The following PCDHA13 variants were observed in gnomAD, a reference collection of about 807,000 sequenced individuals.
PCDHA13 encodes protocadherin alpha 13.
Under a neutral mutation model 64.8 loss-of-function variants are expected in PCDHA13, and 54 were observed. The observed-to-expected ratio is 0.83, with a 90% CI of 0.67 to 1.04. The LOEUF (loss-of-function observed/expected upper bound fraction) is 1.04, where lower values mean the gene tolerates loss of function less well. Ranked by LOEUF, PCDHA13 falls within the 50% of genes least tolerant of loss-of-function variation. The pLI is 0.00. For missense variants in PCDHA13, 1,248 were observed against 1,254.3 expected (o/e 0.99, Z 0.08); for synonymous variants, 587 against 564.4 (o/e 1.04, Z -0.57).
intron 2 of PCDHA13, 148 bp from the exon 3 acceptor site, chr5:140,982,327 C>T: frequency 7.0e-7 from 1 of 1,419,146 alleles, no homozygotes; most frequent in Non-Finnish European, 9.4e-7. Context: ...AGGGTGACTG[C>T]TCAGCAGTAA....
chr5:140,971,500 TAGG>T (rs2096483491), intron 1 of PCDHA13, among the ~76,000 whole-genome samples: 2 of 152,136 alleles, frequency 1.3e-5, no homozygotes, highest in Admixed American at 1.3e-4. Flanking sequence ...TGTGGCAAGA[TAGG>T]AGCAAAAGCC....
intron 1 of PCDHA13, among the ~76,000 whole-genome samples, chr5:140,941,241 TTCTTTCTTTCTTTC>T (rs1247398838): frequency 5.8e-4 from 81 of 140,456 alleles, no homozygotes; most frequent in African/African-American, 2.0e-3. Flanking sequence ...CTTTCTTTCT[TTCTTTCTTTCTTTC>T]TCTTTCTTTC....
intron 1 of PCDHA13, among the ~76,000 whole-genome samples, chr5:140,942,409 TAAA>T (rs78736997): frequency 7.0e-6 from 1 of 143,620 alleles, no homozygotes; most frequent in Non-Finnish European, 1.5e-5. Context: ...AGACTCTGTT[TAAA>T]AAAAAAAAAG....
chr5:140,944,744 A>G (rs1408016136), intron 1 of PCDHA13, among the ~76,000 whole-genome samples: 2 of 152,204 alleles, frequency 1.3e-5, no homozygotes, highest in East Asian at 3.8e-4. Context: ...CTGAGCATTT[A>G]CATGGAAAAA....
At chr5:140,921,616 A>C (rs1369093554) in intron 1 of PCDHA13, among the ~76,000 whole-genome samples, 1 of 152,222 alleles carries the variant, frequency 6.6e-6, no homozygotes, top group African/African-American at 2.4e-5. Flanking sequence ...GAAAAATATC[A>C]TCAGATCATC....
At chr5:140,982,592 C>G (rs376230429) in intron 3 of PCDHA13, 29 bp downstream of exon 3, 3 of 1,610,372 alleles carry the variant, frequency 1.9e-6, no homozygotes, top group Non-Finnish European at 2.5e-6. Flanking sequence ...TCCATTCTTT[C>G]TTGGTTTCTG....
intron 1 of PCDHA13, chr5:140,928,140 G>C (rs200493520): frequency 2.5e-5 from 41 of 1,614,036 alleles, no homozygotes; most frequent in Non-Finnish European, 3.2e-5. Context: ...TCCTGATCAC[G>C]GCCTCAGATA....
intron 1 of PCDHA13, chr5:140,967,771 G>A (rs1554229926): frequency 1.2e-6 from 2 of 1,614,222 alleles, no homozygotes; most frequent in Non-Finnish European, 1.7e-6. Context: ...AGATCTATGT[G>A]CAGGCGACTG....
At chr5:140,900,013 T>A (rs1351991303) in intron 1 of PCDHA13, among the ~76,000 whole-genome samples, 1 of 152,062 alleles carries the variant, frequency 6.6e-6, no homozygotes, top group Admixed American at 6.6e-5. Flanking sequence ...TCTCACTTTG[T>A]TACCCAGTTT....
chr5:140,889,103 T>C (rs1554183781), intron 1 of PCDHA13, among the ~76,000 whole-genome samples: 2 of 151,990 alleles, frequency 1.3e-5, no homozygotes. Flanking sequence ...TTTTTTCATC[T>C]TTATTCCAGG....
rs782140381 is a variant in PCDHA13 at position 140,883,675 on chromosome 5, G to T, written c.1407G>T (p.Pro469=). 5 of 1,613,894 alleles carry T rather than the reference G, an allele frequency of 3.1e-6. No individual in the cohort carries two copies. Among genetic ancestry groups the T allele is most frequent in the Non-Finnish European group, 4.2e-6 (5 of 1,179,884 alleles). ...CGGTGTTCGTGAAGGAAAACAATCC[G>T]CCGGGCTGCCACATCTTCACGGTGT... The part of the protein sequence containing the change: ...EYTVFVKENN[P]PGCHIFTVSA... The change falls in exon 1 of 4, where the codon CCG becomes CCT. Residue 469 remains proline (P), a synonymous_variant. Transcript: ENST00000289272.
At chr5:140,979,055 T>A (rs2096833782) in intron 2 of PCDHA13, 48 bp downstream of exon 2, 1 of 1,607,848 alleles carries the variant, frequency 6.2e-7, no homozygotes, top group Non-Finnish European at 8.5e-7. Flanking sequence ...TAACTTGGTA[T>A]GGCTCAGATA....
intron 1 of PCDHA13, among the ~76,000 whole-genome samples, chr5:140,941,198 T>TCTTCCTTTCTTC (rs1563184149): frequency 4.2e-5 from 5 of 119,808 alleles, no homozygotes; most frequent in African/African-American, 1.0e-4. Context: ...TTTTTTTCTT[T>TCTTCCTTTCTTC]CTTCCTTTCT....
chr5:140,987,589 G>A (rs1554249335), intron 3 of PCDHA13, among the ~76,000 whole-genome samples: 1 of 152,180 alleles, frequency 6.6e-6, no homozygotes, highest in Non-Finnish European at 1.5e-5. Context: ...GGGGAGAATA[G>A]TGGTGTCTAC....
chr5:140,976,546 A>G (rs2096722070), intron 1 of PCDHA13, among the ~76,000 whole-genome samples: 1 of 152,086 alleles, frequency 6.6e-6, no homozygotes, highest in Non-Finnish European at 1.5e-5. Context: ...GTAAGACCCT[A>G]TCTCATAAAT....
At chr5:140,988,501 A>G (rs966150033) in intron 3 of PCDHA13, among the ~76,000 whole-genome samples, 3 of 152,164 alleles carry the variant, frequency 2.0e-5, no homozygotes, top group Non-Finnish European at 2.9e-5. Context: ...AGGAGAAGCC[A>G]TGAAGCTTAC....
At chr5:140,915,995 C>T (rs1256886751) in intron 1 of PCDHA13, among the ~76,000 whole-genome samples, 4 of 152,180 alleles carry the variant, frequency 2.6e-5, no homozygotes, top group African/African-American at 4.8e-5. Context: ...TAAGCTGGCA[C>T]TCAAACCACA....
At chr5:140,909,327 G>A (rs2074440684) in intron 1 of PCDHA13, among the ~76,000 whole-genome samples, 1 of 152,216 alleles carries the variant, frequency 6.6e-6, no homozygotes. Context: ...CCAAATCAAT[G>A]GTTGCATACC....
intron 1 of PCDHA13, among the ~76,000 whole-genome samples, chr5:140,918,041 C>T (rs1554198405): frequency 6.6e-6 from 1 of 152,058 alleles, no homozygotes; most frequent in Non-Finnish European, 1.5e-5. Flanking sequence ...AAGGTCTTTC[C>T]ATTTGTTTTA....
Sources: gnomAD v4.1 joint callset for allele counts (sites outside exome capture counted in the v4.1 genomes callset) on GRCh38, gnomAD v4.1.1 for gene constraint, MANE v1.5 for transcripts, NCBI Gene and HGNC (gene_info 2026-07-23, HGNC 2026-07-21) for gene names.